The following TDRD10 variants were observed in gnomAD, a reference collection of about 807,000 sequenced individuals.
TDRD10 encodes tudor domain containing 10, also known as tudor domain-containing protein 10.
A neutral mutation model predicts 48.0 loss-of-function variants in TDRD10; 40 were observed. That is an observed-to-expected ratio of 0.83 (90% confidence interval 0.65 to 1.09). TDRD10 has a LOEUF of 1.09. Ranked by LOEUF, TDRD10 falls within the 50% of genes least tolerant of loss-of-function variation. TDRD10 has a pLI of 0.00. For missense variants in TDRD10, 378 were observed against 434.7 expected, an observed-to-expected ratio of 0.87 and a Z score of 1.16; for synonymous variants, 162 against 170.4, an observed-to-expected ratio of 0.95 and a Z score of 0.38.
chr1:154,507,113 G>A, intron 2 of TDRD10, 128 bp from the exon 3 acceptor site: 1 of 1,532,352 alleles, frequency 6.5e-7, no homozygotes. Context: ...TCTGGGAGGA[G>A]GAAGGGAAGC....
At position 154,547,838 on chromosome 1, in the gene TDRD10, G is replaced by C. The variant is rs917756614; in HGVS notation, c.*128G>C. 84 of 1,204,384 alleles carry C rather than the reference G, an allele frequency of 7.0e-5. No homozygotes were observed. The highest frequency in any genetic ancestry group is 2.8e-4 in the Middle Eastern group (1 of 3,554). 74.6% of individuals were successfully genotyped at this position (1,204,384 alleles called of 1,614,324 possible). ...AAAAGGCCAGACTGTGCCCAGGATT[G>C]ATTCAATTTTGCTTTTACTCCCAGC... On this transcript the variant is annotated 3_prime_UTR_variant, in exon 13 of 13. Coordinates refer to ENST00000368482, the MANE Select transcript of TDRD10 (RefSeq NM_182499.4).
intron 12 of TDRD10, 39 bp downstream of exon 12, chr1:154,547,518 A>G (rs554246334): frequency 6.2e-7 from 1 of 1,613,636 alleles, no homozygotes; most frequent in Admixed American, 1.7e-5. Context: ...TTGTCCCTCC[A>G]CTCCTGCCCT....
intron 4 of TDRD10, among the ~76,000 whole-genome samples, chr1:154,513,677 TCCTATACTTTAAAAACCA>T (rs1377183680): frequency 1.3e-5 from 2 of 152,132 alleles, no homozygotes; most frequent in African/African-American, 4.8e-5. Flanking sequence ...TTTAAAGTAT[TCCTATACTTTAAAAACCA>T]CCTATACTTT....
At chr1:154,511,692 C>CA (rs1171348936) in intron 4 of TDRD10, among the ~76,000 whole-genome samples, 2 of 151,840 alleles carry the variant, frequency 1.3e-5, no homozygotes, top group Non-Finnish European at 2.9e-5. Flanking sequence ...TACTAAAATA[C>CA]AAAAAATTAG....
At chr1:154,507,435 T>A in intron 3 of TDRD10, 115 bp downstream of exon 3, 1 of 1,222,476 alleles carries the variant, frequency 8.2e-7, no homozygotes, top group Non-Finnish European at 1.2e-6. Flanking sequence ...GGGATCTGCC[T>A]AGATTCTGCT....
At chr1:154,526,326 GATA>G (rs1694315265) in intron 6 of TDRD10, among the ~76,000 whole-genome samples, 1 of 151,846 alleles carries the variant, frequency 6.6e-6, no homozygotes, top group African/African-American at 2.4e-5. Flanking sequence ...AGTGAGTTAT[GATA>G]ATGCCACTTC....
intron 6 of TDRD10, among the ~76,000 whole-genome samples, chr1:154,523,127 A>T (rs1194702752): frequency 6.6e-6 from 1 of 152,060 alleles, no homozygotes; most frequent in Non-Finnish European, 1.5e-5. Flanking sequence ...GCTGATCTCG[A>T]ACTCCTGACC....
At chr1:154,505,989 TC>T (rs1199552852) in intron 1 of TDRD10, among the ~76,000 whole-genome samples, 1 of 152,214 alleles carries the variant, frequency 6.6e-6, no homozygotes, top group Non-Finnish European at 1.5e-5. Flanking sequence ...TGCATCTAAC[TC>T]CAAAAGTTCT....
At chr1:154,546,335 G>A (rs1332609295) in intron 11 of TDRD10, among the ~76,000 whole-genome samples, 1 of 149,754 alleles carries the variant, frequency 6.7e-6, no homozygotes, top group Non-Finnish European at 1.5e-5. Flanking sequence ...GCCTCCCAAA[G>A]TGTTGGGATT....
chr1:154,545,034 T>C (rs887887273), intron 11 of TDRD10, 85 bp downstream of exon 11: 1 of 1,535,852 alleles, frequency 6.5e-7, no homozygotes, highest in Non-Finnish European at 8.8e-7. Context: ...GGAAGCAGCA[T>C]AGTGGGCGGC....
chr1:154,541,942 G>A (rs974158374), intron 6 of TDRD10, 82 bp from the exon 7 acceptor site: 20 of 1,426,090 alleles, frequency 1.4e-5, no homozygotes, highest in Non-Finnish European at 1.9e-5. Flanking sequence ...CTGTCTCCCA[G>A]TCTACCTGGA....
chr1:154,514,411 A>G (rs1026934387), intron 4 of TDRD10, among the ~76,000 whole-genome samples: 4 of 152,170 alleles, frequency 2.6e-5, no homozygotes, highest in African/African-American at 9.7e-5. Flanking sequence ...TAAGGGTGAG[A>G]TGACAGAATG....
At position 154,544,251 on chromosome 1, in the gene TDRD10, C is replaced by G. The variant is rs892623742; in HGVS notation, c.652-121C>G. The G allele has an allele frequency of 3.2e-6, 5 of 1,540,602 alleles. No individual in the cohort carries two copies. In the African/African-American group the frequency reaches 6.9e-5, roughly 21 times the overall value. ...TCCTGGGTTCAGTCTCGTTCTCTCT[C>G]CCACCTCATACCTGATGGCCTTGGG... On this transcript the variant is annotated intron_variant, in intron 9 of 12. Transcript: ENST00000368482.
At chr1:154,506,811 A>G (rs1299533497) in intron 1 of TDRD10, 66 bp from the exon 2 acceptor site, 12 of 1,390,246 alleles carry the variant, frequency 8.6e-6, no homozygotes, top group African/African-American at 8.5e-5. Flanking sequence ...CACAGTACCT[A>G]TTCGGTGGTT....
chr1:154,506,803 C>T (rs1693177080), intron 1 of TDRD10, 74 bp from the exon 2 acceptor site: 6 of 1,315,532 alleles, frequency 4.6e-6, no homozygotes, highest in Non-Finnish European at 6.6e-6. Context: ...CTGCTTACCA[C>T]AGTACCTATT....
chr1:154,513,945 T>C (rs1228014151), intron 4 of TDRD10, among the ~76,000 whole-genome samples: 1 of 152,156 alleles, frequency 6.6e-6, no homozygotes, highest in East Asian at 1.9e-4. Flanking sequence ...ATCCTAGCAG[T>C]TTGGGAGGCC....
intron 2 of TDRD10, 118 bp downstream of exon 2, chr1:154,507,023 G>GTTGATCCTAACTCTAAGTATACT: frequency 6.3e-7 from 1 of 1,599,100 alleles, no homozygotes; most frequent in African/African-American, 1.3e-5. Flanking sequence ...TCTCTTGCCA[G>GTTGATCCTAACTCTAAGTATACT]TTGATCCTAA....
chr1:154,544,612 C>G, intron 10 of TDRD10, 95 bp downstream of exon 10: 2 of 1,502,540 alleles, frequency 1.3e-6, no homozygotes, highest in Non-Finnish European at 1.8e-6. Context: ...GGTTTTTTTT[C>G]CTGTGGCTTC....
rs546407616 is a variant in TDRD10, at chr1:154,506,486, C to T, written c.-27-391C>T. Among the ~76,000 whole-genome samples, 3 of 152,238 alleles carry T rather than the reference C, an allele frequency of 2.0e-5. No individual in the cohort carries two copies. In the South Asian group the frequency reaches 6.2e-4, roughly 32 times the overall value. Reference sequence around the variant, plus strand: ...TGCCTCCCGAGTTCAAGCAATTCTCCTGCCTCAGCCTCCTGAGTAGCTGGG... The same window carrying T: ...TGCCTCCCGAGTTCAAGCAATTCTCTTGCCTCAGCCTCCTGAGTAGCTGGG... On this transcript the variant is annotated intron_variant, in intron 1 of 12. Transcript: ENST00000368482.
Sources: gnomAD v4.1 joint callset for allele counts (sites outside exome capture counted in the v4.1 genomes callset) on GRCh38, gnomAD v4.1.1 for gene constraint, MANE v1.5 for transcripts, NCBI Gene and HGNC (gene_info 2026-07-23, HGNC 2026-07-21) for gene names.